TRIM9: variants seen among roughly 807,000 people sequenced by gnomAD.
TRIM9 encodes E3 ubiquitin-protein ligase TRIM9.
A neutral mutation model predicts 78.3 loss-of-function variants in TRIM9; 26 were observed. That is an observed-to-expected ratio of 0.33 (90% CI 0.24 to 0.46). TRIM9 has a LOEUF of 0.46. TRIM9 is among the 20% of genes least tolerant of loss of function. The pLI is 1.00. For missense variants in TRIM9, 787 were observed against 1,036.4 expected (o/e 0.76, Z 3.30); for synonymous variants, 398 against 416.5 (o/e 0.96, Z 0.54).
chr14:51,088,024 T>C (rs901644538), intron 1 of TRIM9, among the ~76,000 whole-genome samples: 1 of 152,224 alleles, frequency 6.6e-6, no homozygotes, highest in Non-Finnish European at 1.5e-5. Context: ...TCCATACATA[T>C]AAATACTACA....
intron 1 of TRIM9, among the ~76,000 whole-genome samples, chr14:51,041,040 A>G (rs371882873): frequency 6.6e-6 from 1 of 152,232 alleles, no homozygotes; most frequent in African/African-American, 2.4e-5. Flanking sequence ...AAAATTAGTA[A>G]TAACTGTCAA....
intron 1 of TRIM9, among the ~76,000 whole-genome samples, chr14:51,032,075 C>T (rs1277353592): frequency 3.3e-5 from 5 of 152,200 alleles, no homozygotes; most frequent in African/African-American, 4.8e-5. Flanking sequence ...AAAGCTAATG[C>T]ATAGTGACAT....
rs1434568457 is a variant in TRIM9, at chr14:51,094,686, G to A, written c.254C>T (p.Ala85Val). 4 of 1,575,700 alleles carry A rather than the reference G, an allele frequency of 2.5e-6. No homozygotes were observed. The South Asian group carries it at 4.7e-5, about 19-fold the overall frequency. The part of the protein sequence containing the change: ...DSGYGSYGGF[A>V]SAPTTPCQKS... The stretch of plus-strand genomic sequence containing the variant: ...CTGGCACGGGGTAGTGGGGGCGCTG[G>A]CGAACCCCCCGTAGGAGCCATAGCC... The change falls in exon 1 of 13, where the codon GCC (alanine) becomes GTC (valine). Residue 85 changes from alanine to valine, a missense_variant. Transcript: ENST00000684578.
At chr14:51,036,759 T>A (rs1334215631) in intron 1 of TRIM9, among the ~76,000 whole-genome samples, 1 of 152,198 alleles carries the variant, frequency 6.6e-6, no homozygotes, top group East Asian at 1.9e-4. Flanking sequence ...GTATATCCTC[T>A]CTCTCACTCT....
intron 7 of TRIM9, among the ~76,000 whole-genome samples, chr14:50,995,278 G>C (rs999109092): frequency 4.6e-5 from 7 of 151,770 alleles, no homozygotes; most frequent in Non-Finnish European, 7.4e-5. Context: ...GTTTTTCAGT[G>C]TTTATCACAA....
intron 5 of TRIM9, 106 bp from the exon 6 acceptor site, chr14:51,000,946 A>G (rs2054904872): frequency 7.5e-7 from 1 of 1,329,836 alleles, no homozygotes; most frequent in Non-Finnish European, 1.1e-6. Flanking sequence ...AAGTAGCCAG[A>G]ATGGGGTGCA....
intron 1 of TRIM9, among the ~76,000 whole-genome samples, chr14:51,084,291 T>C (rs2140327422): frequency 1.3e-5 from 2 of 152,316 alleles, no homozygotes; most frequent in Middle Eastern, 6.8e-3. Flanking sequence ...GTCTGGAAAT[T>C]CAGTGTTCAC....
chr14:50,978,041 T>C (rs951857809), intron 12 of TRIM9, among the ~76,000 whole-genome samples: 10 of 152,108 alleles, frequency 6.6e-5, no homozygotes, highest in Non-Finnish European at 1.3e-4. Context: ...AATGGGGTTT[T>C]TCTGAGACTC....
chr14:51,095,002 G>C lies in TRIM9; in HGVS notation c.-63C>G. ...GGGTGCCTGAGCTGGCGAGGTGGCC[G>C]ACGGGCCCGTCTTGTCCAGCACCCT... On this transcript the variant is annotated 5_prime_UTR_variant, in exon 1 of 13. Transcript: ENST00000684578. 3 of 1,275,764 alleles carry C rather than the reference G, an allele frequency of 2.4e-6. No individual in the cohort carries two copies. The highest frequency in any genetic ancestry group is 3.1e-6 in the Non-Finnish European group (3 of 980,508). 79.0% of individuals were successfully genotyped at this position (1,275,764 alleles called of 1,614,324 possible).
At chr14:50,983,340 A>C in intron 9 of TRIM9, 40 bp downstream of exon 9, 1 of 1,480,862 alleles carries the variant, frequency 6.8e-7, no homozygotes, top group Non-Finnish European at 9.1e-7. Context: ...TGAGCACACC[A>C]ATCACGTAAG....
chr14:51,003,325 C>T (rs1716445687), intron 5 of TRIM9, among the ~76,000 whole-genome samples: 1 of 151,990 alleles, frequency 6.6e-6, no homozygotes, highest in Admixed American at 6.5e-5. Context: ...CTTAACTGTC[C>T]TTATTAGTTA....
chr14:51,037,627 C>T (rs1458075888), intron 1 of TRIM9, among the ~76,000 whole-genome samples: 1 of 151,456 alleles, frequency 6.6e-6, no homozygotes, highest in Non-Finnish European at 1.5e-5. Flanking sequence ...TATTAAGTTA[C>T]AAATTTCATT....
chr14:50,990,139 T>A (rs1408907084), intron 7 of TRIM9, among the ~76,000 whole-genome samples: 1 of 152,172 alleles, frequency 6.6e-6, no homozygotes, highest in Non-Finnish European at 1.5e-5. Context: ...TCCCTCAGCA[T>A]CCTGAGTAGC....
intron 1 of TRIM9, among the ~76,000 whole-genome samples, chr14:51,046,730 G>T (rs1450634191): frequency 6.6e-6 from 1 of 152,164 alleles, no homozygotes; most frequent in Non-Finnish European, 1.5e-5. Context: ...GCTTTCCCAT[G>T]TATTACCCGT....
intron 7 of TRIM9, among the ~76,000 whole-genome samples, chr14:50,993,670 A>T (rs2053825885): frequency 1.3e-5 from 2 of 152,166 alleles, no homozygotes; most frequent in African/African-American, 4.8e-5. Context: ...GGATGAGCAT[A>T]TGAGGCAGCT....
At chr14:51,024,824 A>C (rs1029751986) in intron 2 of TRIM9, among the ~76,000 whole-genome samples, 1 of 152,186 alleles carries the variant, frequency 6.6e-6, no homozygotes, top group African/African-American at 2.4e-5. Context: ...AGGAATGAAA[A>C]AGAAAAAAAG....
chr14:50,981,424 T>G (rs750692294), intron 11 of TRIM9, among the ~76,000 whole-genome samples: 1 of 152,244 alleles, frequency 6.6e-6, no homozygotes, highest in Non-Finnish European at 1.5e-5. Context: ...TGTACTAATT[T>G]GATGGATTTG....
intron 1 of TRIM9, among the ~76,000 whole-genome samples, chr14:51,073,604 T>C (rs2062489956): frequency 6.6e-6 from 1 of 152,240 alleles, no homozygotes; most frequent in East Asian, 1.9e-4. Flanking sequence ...GTTACCATGC[T>C]GCTAGAAGGT....
At chr14:50,982,987 G>T (rs1396959826) in intron 9 of TRIM9, 22 bp from the exon 10 acceptor site, 1 of 1,547,684 alleles carries the variant, frequency 6.5e-7, no homozygotes, top group Admixed American at 2.0e-5. Context: ...CCAAGTGAAA[G>T]GCATGGGGGA....
Sources: allele counts gnomAD v4.1 joint callset (sites outside exome capture counted in the v4.1 genomes callset), GRCh38; gene constraint gnomAD v4.1.1; transcripts MANE v1.5; gene names NCBI Gene and HGNC (gene_info 2026-07-23, HGNC 2026-07-21).